Variants in SNX27 observed in about 807,000 individuals in gnomAD.
SNX27 encodes sorting nexin-27.
In SNX27, 22 loss-of-function variants were observed where a neutral mutation model predicts 71.6. The ratio of observed to expected loss-of-function variants is 0.31; its 90% CI spans 0.22 to 0.44. The LOEUF is 0.44. SNX27 is among the 20% of genes least tolerant of loss of function. SNX27 has a pLI of 1.00. For missense variants in SNX27, 531 were observed against 698.6 expected, an observed-to-expected ratio of 0.76 and a Z score of 2.70; for synonymous variants, 269 against 277.2, an observed-to-expected ratio of 0.97 and a Z score of 0.29.
At chr1:151,623,387 A>G (rs894897513) in intron 1 of SNX27, among the ~76,000 whole-genome samples, 19 of 151,944 alleles carry the variant, frequency 1.3e-4, no homozygotes, top group Non-Finnish European at 2.2e-4. Flanking sequence ...TGATCCGCCC[A>G]CCTTGGCCTC....
intron 2 of SNX27, among the ~76,000 whole-genome samples, chr1:151,653,894 G>T (rs1307411082): frequency 6.8e-6 from 1 of 148,102 alleles, no homozygotes. Flanking sequence ...GTGCAGTGGC[G>T]CGATCTTGGC....
chr1:151,686,307 A>G (rs1671190578), intron 8 of SNX27, among the ~76,000 whole-genome samples: 1 of 152,250 alleles, frequency 6.6e-6, no homozygotes, highest in African/African-American at 2.4e-5. Context: ...GTGTGAGAGA[A>G]ATACATAGGT....
chr1:151,646,562 C>T (rs1374578662), intron 2 of SNX27, among the ~76,000 whole-genome samples: 1 of 148,230 alleles, frequency 6.7e-6, no homozygotes, highest in Non-Finnish European at 1.5e-5. Flanking sequence ...GAACATTTAC[C>T]TTCAAATTAT....
At chr1:151,633,901 T>A (rs1196349) in intron 1 of SNX27, among the ~76,000 whole-genome samples, 143,033 of 152,136 alleles carry the variant, frequency 0.94, 67,755 homozygotes, top group Non-Finnish European at 0.99. Flanking sequence ...GGTTGTTTTT[T>A]GTTTTGTACT....
At chr1:151,666,509 T>G (rs1670194675) in intron 6 of SNX27, 1 of 152,314 alleles carries the variant, frequency 6.6e-6, no homozygotes, top group African/African-American at 2.4e-5. Context: ...GAAATTTATA[T>G]TTTATTTTAT....
intron 7 of SNX27, among the ~76,000 whole-genome samples, chr1:151,670,122 A>G (rs772457201): frequency 2.2e-4 from 34 of 152,272 alleles, no homozygotes; most frequent in Non-Finnish European, 3.2e-4. Flanking sequence ...TTTACAGTCC[A>G]CAAATAATTG....
intron 11 of SNX27, 27 bp from the exon 12 acceptor site, chr1:151,694,342 CA>C (rs1671602999): frequency 1.3e-6 from 2 of 1,549,404 alleles, no homozygotes; most frequent in Non-Finnish European, 1.7e-6. Flanking sequence ...TGTGCCTTCC[CA>C]ATAACTCTTT....
intron 7 of SNX27, among the ~76,000 whole-genome samples, chr1:151,675,501 G>A (rs1368703767): frequency 6.6e-6 from 1 of 151,638 alleles, no homozygotes; most frequent in African/African-American, 2.4e-5. Flanking sequence ...CTGAGTTAAT[G>A]TAGTATATGT....
At chr1:151,637,719 A>G (rs2102630996) in intron 1 of SNX27, among the ~76,000 whole-genome samples, 1 of 152,314 alleles carries the variant, frequency 6.6e-6, no homozygotes, top group East Asian at 1.9e-4. Flanking sequence ...TGTTCTGTTT[A>G]TATAAATGGA....
chr1:151,613,506 C>G (rs1209647264), intron 1 of SNX27: 1 of 152,332 alleles, frequency 6.6e-6, no homozygotes, highest in East Asian at 1.9e-4. Context: ...ACTCTATCCT[C>G]CTGTGATCCC....
chr1:151,692,701 G>A, intron 9 of SNX27, 117 bp downstream of exon 9: 1 of 1,469,244 alleles, frequency 6.8e-7, no homozygotes, highest in Non-Finnish European at 9.2e-7. Context: ...TATTTTGACT[G>A]GGGCAAATAA....
intron 4 of SNX27, 77 bp from the exon 5 acceptor site, chr1:151,662,089 A>G (rs973515845): frequency 3.2e-6 from 3 of 948,864 alleles, no homozygotes; most frequent in Admixed American, 4.2e-5. Context: ...GTTTTAGGTT[A>G]TTGTCTAGCT....
intron 8 of SNX27, 46 bp downstream of exon 8, chr1:151,683,491 C>CT (rs753037664): frequency 7.1e-7 from 1 of 1,399,084 alleles, no homozygotes; most frequent in Non-Finnish European, 1.0e-6. Flanking sequence ...CCCTTCCTAC[C>CT]TTTAAAACCT....
chr1:151,641,292 T>C (rs1402294367), intron 2 of SNX27, among the ~76,000 whole-genome samples: 1 of 152,154 alleles, frequency 6.6e-6, no homozygotes, highest in African/African-American at 2.4e-5. Context: ...TTTTCCAAAG[T>C]GGCTATATCA....
chr1:151,673,220 A>AC (rs1005742848), intron 7 of SNX27, among the ~76,000 whole-genome samples: 21 of 151,944 alleles, frequency 1.4e-4, no homozygotes, highest in Non-Finnish European at 2.2e-4. Flanking sequence ...TTCTCCATTG[A>AC]CCCACTGGTC....
chr1:151,628,006 G>GTT (rs34932455), intron 1 of SNX27, among the ~76,000 whole-genome samples: 22 of 122,790 alleles, frequency 1.8e-4, no homozygotes, highest in East Asian at 4.7e-4. Context: ...TTTCATGACT[G>GTT]TTTTTTTTTT....
At chr1:151,651,774 G>A (rs1036855064) in intron 2 of SNX27, among the ~76,000 whole-genome samples, 2 of 151,984 alleles carry the variant, frequency 1.3e-5, no homozygotes, top group African/African-American at 4.8e-5. Context: ...GCCAGGCAGA[G>A]ACGCTCCTCA....
chr1:151,620,470 A>G (rs577934866), intron 1 of SNX27, among the ~76,000 whole-genome samples: 5 of 152,214 alleles, frequency 3.3e-5, no homozygotes, highest in African/African-American at 1.2e-4. Flanking sequence ...TCTGACACCC[A>G]GAACTGGGAA....
intron 11 of SNX27, chr1:151,693,846 G>C: frequency 7.0e-7 from 1 of 1,431,114 alleles, no homozygotes; most frequent in African/African-American, 1.4e-5. Flanking sequence ...GTCTTGACTG[G>C]ATGAGTCCTG....
Sources: gnomAD v4.1 joint callset for allele counts (sites outside exome capture counted in the v4.1 genomes callset) on GRCh38, gnomAD v4.1.1 for gene constraint, MANE v1.5 for transcripts, NCBI Gene and HGNC (gene_info 2026-07-23, HGNC 2026-07-21) for gene names.